HYDIN: variants seen among roughly 807,000 people sequenced by gnomAD.
HYDIN encodes HYDIN axonemal central pair apparatus protein, also known as axonemal central pair apparatus protein HYDIN.
A neutral mutation model predicts 403.9 loss-of-function variants in HYDIN; 132 were observed. The observed-to-expected ratio is 0.33, with a 90% confidence interval of 0.28 to 0.38. The LOEUF (loss-of-function observed/expected upper bound fraction) is 0.38, where lower values mean the gene tolerates loss of function less well. Ranked by LOEUF, HYDIN falls within the 10% of genes least tolerant of loss-of-function variation. The pLI, the probability that HYDIN is intolerant of heterozygous loss-of-function variation, is 1.00. For synonymous variants in HYDIN, 1,202 were observed against 1,891.7 expected (o/e 0.64, Z 9.46); for missense variants, 2,827 against 5,009.5 (o/e 0.56, Z 13.15).
intron 3 of HYDIN, among the ~76,000 whole-genome samples, chr16:71,181,191 T>C (rs2086886158): frequency 6.8e-6 from 1 of 147,438 alleles, no homozygotes; most frequent in African/African-American, 2.5e-5. Context: ...TTCAATGCAA[T>C]ACATTAAAAA....
At chr16:71,163,105 T>C (rs910760503) in intron 5 of HYDIN, among the ~76,000 whole-genome samples, 9 of 150,510 alleles carry the variant, frequency 6.0e-5, no homozygotes, top group Non-Finnish European at 1.2e-4. Context: ...AGCCCATGTA[T>C]TAGAATGATG....
At chr16:71,229,253 T>A (rs536241516) in intron 1 of HYDIN, among the ~76,000 whole-genome samples, 1 of 152,148 alleles carries the variant, frequency 6.6e-6, no homozygotes, top group Non-Finnish European at 1.5e-5. Flanking sequence ...CATGTATACA[T>A]ATGTAACAAA....
chr16:71,158,628 G>A (rs2085877088), intron 6 of HYDIN, among the ~76,000 whole-genome samples: 1 of 149,310 alleles, frequency 6.7e-6, no homozygotes, highest in Admixed American at 6.6e-5. Context: ...GTTTTTAATG[G>A]GTATTGTGAA....
At chr16:70,923,373 CAGG>C (rs1285214174) in intron 45 of HYDIN, among the ~76,000 whole-genome samples, 2 of 136,998 alleles carry the variant, frequency 1.5e-5, no homozygotes, top group African/African-American at 5.5e-5. Context: ...GAGGGTGAGG[CAGG>C]AGAATTGCTT....
At chr16:71,170,724 T>C (rs2086428401) in intron 5 of HYDIN, among the ~76,000 whole-genome samples, 1 of 152,242 alleles carries the variant, frequency 6.6e-6, no homozygotes. Context: ...AAGGAGTGAC[T>C]GTGGTTTTTT....
intron 62 of HYDIN, among the ~76,000 whole-genome samples, chr16:70,877,968 G>A (rs1287925901): frequency 2.0e-5 from 3 of 151,994 alleles, no homozygotes; most frequent in Non-Finnish European, 4.4e-5. Flanking sequence ...CCCCATTAAG[G>A]AAATACTGAA....
chr16:70,824,808 GT>G (rs1358340419), intron 83 of HYDIN, among the ~76,000 whole-genome samples: 1 of 150,804 alleles, frequency 6.6e-6, no homozygotes, highest in East Asian at 2.0e-4. Flanking sequence ...TTTTAATTTT[GT>G]ATTTATTTTC....
At chr16:70,853,546 C>A (rs903230788) in intron 73 of HYDIN, among the ~76,000 whole-genome samples, 2 of 148,442 alleles carry the variant, frequency 1.3e-5, no homozygotes, top group Non-Finnish European at 2.9e-5. Flanking sequence ...AAGAAACTCT[C>A]AAAACTACCT....
At chr16:71,133,775 G>T (rs565002440) in intron 8 of HYDIN, among the ~76,000 whole-genome samples, 1 of 151,738 alleles carries the variant, frequency 6.6e-6, no homozygotes, top group African/African-American at 2.4e-5. Flanking sequence ...TCAGGACAAG[G>T]TTGAGGAAGC....
intron 10 of HYDIN, among the ~76,000 whole-genome samples, chr16:71,114,230 C>G (rs1249281629): frequency 1.3e-5 from 2 of 151,886 alleles, no homozygotes; most frequent in Non-Finnish European, 2.9e-5. Context: ...GACGCTTTTA[C>G]CTGAATTGGT....
At chr16:71,207,028 C>A (rs1330237402) in intron 1 of HYDIN, among the ~76,000 whole-genome samples, 1 of 152,058 alleles carries the variant, frequency 6.6e-6, no homozygotes, top group Non-Finnish European at 1.5e-5. Context: ...TGAAAACTTC[C>A]CCAACCTAGC....
At chr16:71,060,691 G>C in intron 17 of HYDIN, 35 bp from the exon 18 acceptor site, 1 of 599,688 alleles carries the variant, frequency 1.7e-6, no homozygotes, top group Non-Finnish European at 3.0e-6. Flanking sequence ...CACAGGAACA[G>C]CTGGAAATGG....
chr16:71,204,000 G>A, intron 1 of HYDIN: 1 of 310,876 alleles, frequency 3.2e-6, no homozygotes, highest in South Asian at 2.8e-5. Context: ...GAGAAGCAGA[G>A]GTTGCAGTGA....
At chr16:71,052,117 G>C (rs2081672821) in intron 18 of HYDIN, among the ~76,000 whole-genome samples, 1 of 152,264 alleles carries the variant, frequency 6.6e-6, no homozygotes, top group African/African-American at 2.4e-5. Context: ...TATCATCCCT[G>C]TGCCTCATTT....
chr16:70,957,020 A>G (rs2502648), intron 39 of HYDIN, among the ~76,000 whole-genome samples: 44,466 of 123,534 alleles, frequency 0.36, 10,842 homozygotes, highest in African/African-American at 0.7. Flanking sequence ...TAAGTATATG[A>G]TTTAGTGGTT....
Position 71,093,833 on chromosome 16 carries a change from G to C in HYDIN, c.1430C>G (p.Ser477Cys). 8 of 1,613,582 alleles carry C rather than the reference G, an allele frequency of 5.0e-6. No homozygotes were observed. The highest frequency in any genetic ancestry group is 6.8e-6 in the Non-Finnish European group (8 of 1,179,684). ...LLDIGKVFTG[S>C]AHCYEAILYN... ...AGTGCTTACCTCATAACAATGTGCA[G>C]ATCCAGTGAAAACTTTCCCAATATC... The change falls in exon 11 of 86, where the codon TCT becomes TGT. Residue 477 changes from serine (S) to cysteine (C), a missense_variant. By Grantham distance (112) the Ser-to-Cys change is moderately radical. Coordinates refer to ENST00000393567, the MANE Select transcript of HYDIN (RefSeq NM_001270974.2).
At chr16:71,038,993 C>T (rs1208321835) in intron 18 of HYDIN, among the ~76,000 whole-genome samples, 3 of 152,162 alleles carry the variant, frequency 2.0e-5, no homozygotes, top group Admixed American at 6.5e-5. Context: ...TTCTTTTCCC[C>T]GAAGCGAGTC....
chr16:71,070,221 C>T (rs2082417397), intron 13 of HYDIN, among the ~76,000 whole-genome samples: 1 of 152,070 alleles, frequency 6.6e-6, no homozygotes, highest in South Asian at 2.1e-4. Flanking sequence ...GCAAGCAATA[C>T]ACTAAGCTCT....
chr16:70,905,439 C>T (rs549910442), intron 50 of HYDIN, among the ~76,000 whole-genome samples: 2 of 151,750 alleles, frequency 1.3e-5, no homozygotes, highest in South Asian at 2.1e-4. Flanking sequence ...GCTCGGAGTT[C>T]GAGACCAGCC....
Sources: allele counts gnomAD v4.1 joint callset (sites outside exome capture counted in the v4.1 genomes callset), GRCh38; gene constraint gnomAD v4.1.1; transcripts MANE v1.5; gene names NCBI Gene and HGNC (gene_info 2026-07-23, HGNC 2026-07-21).